Variants in HIVEP2 observed in about 807,000 individuals in gnomAD.
HIVEP2 encodes HIVEP zinc finger 2, also known as transcription factor HIVEP2.
HIVEP2 carries 14 observed loss-of-function variants against 180.7 expected under a neutral mutation model. That is an observed-to-expected ratio of 0.08 (90% CI 0.05 to 0.12). The LOEUF (loss-of-function observed/expected upper bound fraction) is 0.12, where lower values mean the gene tolerates loss of function less well. Ranked by LOEUF, HIVEP2 falls within the 10% of genes least tolerant of loss-of-function variation. HIVEP2 has a pLI of 1.00. For missense variants in HIVEP2, 2,579 were observed against 3,008.5 expected, an observed-to-expected ratio of 0.86 and a Z score of 3.34; for synonymous variants, 1,184 against 1,136.4, an observed-to-expected ratio of 1.04 and a Z score of -0.84.
In HIVEP2 at chr6:142,770,893, A is replaced by G. The variant is rs1186480897; in HGVS notation, c.3846T>C (p.Tyr1282=). 15 of 1,614,240 alleles carry G rather than the reference A, an allele frequency of 9.3e-6. No individual in the cohort carries two copies. The highest frequency in any genetic ancestry group is 1.2e-5 in the Non-Finnish European group (14 of 1,180,038). ...TTGGGTGTAGCCCTGATGCTCCTGA[A>G]TAACATGGGTAGGTCTGCTCTTTCG... ...AHTKEQTYPC[Y]SGASGLHPKN... is the part of the protein sequence containing the mutation. Residue 1282 remains tyrosine (Y), a synonymous_variant, in exon 5 of 10, where the codon TAT becomes TAC. Transcript: ENST00000367603. The surrounding 1 kb of genome is among the most constrained non-coding windows in gnomAD (Gnocchi z 4.7).
At chr6:142,894,255 G>A (rs1215273890) in intron 1 of HIVEP2, among the ~76,000 whole-genome samples, 1 of 152,050 alleles carries the variant, frequency 6.6e-6, no homozygotes, top group East Asian at 1.9e-4. Context: ...ATCAAGGGAC[G>A]ATATATTATT....
chr6:142,878,906 T>C (rs901013472), intron 1 of HIVEP2, among the ~76,000 whole-genome samples: 1 of 152,182 alleles, frequency 6.6e-6, no homozygotes, highest in Admixed American at 6.5e-5. Context: ...GACCTTGGAC[T>C]TGAACTCAGA....
At chr6:142,864,496 A>G (rs1310877001) in intron 1 of HIVEP2, among the ~76,000 whole-genome samples, 1 of 152,220 alleles carries the variant, frequency 6.6e-6, no homozygotes, top group Admixed American at 6.5e-5. Flanking sequence ...GACTTAGCGA[A>G]AAATAATAAA....
At chr6:142,797,724 G>A (rs1358023003) in intron 2 of HIVEP2, among the ~76,000 whole-genome samples, 1 of 152,096 alleles carries the variant, frequency 6.6e-6, no homozygotes, top group Admixed American at 6.6e-5. Flanking sequence ...TGTTATAATT[G>A]TCCTTTTTAA....
intron 3 of HIVEP2, among the ~76,000 whole-genome samples, chr6:142,780,133 A>G (rs1285725799): frequency 6.6e-6 from 1 of 152,196 alleles, no homozygotes; most frequent in Non-Finnish European, 1.5e-5. Flanking sequence ...CATTAACTCA[A>G]TTATGCAAAT....
chr6:142,791,836 C>A (rs1776144977), intron 2 of HIVEP2, among the ~76,000 whole-genome samples: 2 of 152,180 alleles, frequency 1.3e-5, no homozygotes, highest in South Asian at 4.1e-4. Flanking sequence ...ATTCTGCTTT[C>A]AAAGAGCTTA....
intron 1 of HIVEP2, among the ~76,000 whole-genome samples, chr6:142,924,299 T>C (rs1777749992): frequency 6.6e-6 from 1 of 152,198 alleles, no homozygotes; most frequent in African/African-American, 2.4e-5. Context: ...ATATGAGAGA[T>C]AGCAGTATCA....
chr6:142,837,400 A>G (rs964393434), intron 1 of HIVEP2, among the ~76,000 whole-genome samples: 5 of 152,114 alleles, frequency 3.3e-5, no homozygotes, highest in African/African-American at 1.2e-4. Flanking sequence ...AATTATACTC[A>G]TTGATTCTTC....
At chr6:142,858,689 T>A (rs978286753) in intron 1 of HIVEP2, among the ~76,000 whole-genome samples, 1 of 152,104 alleles carries the variant, frequency 6.6e-6, no homozygotes, top group African/African-American at 2.4e-5. Context: ...CTTCCCAGGT[T>A]CAAGCAATTC....
chr6:142,813,915 C>G (rs1776765852), intron 2 of HIVEP2, among the ~76,000 whole-genome samples: 1 of 151,890 alleles, frequency 6.6e-6, no homozygotes, highest in African/African-American at 2.4e-5. Flanking sequence ...TTTCCTCTAT[C>G]ATTTTATTGA....
chr6:142,773,879 A>G lies in HIVEP2; in HGVS notation c.860T>C (p.Leu287Ser). Residue 287 changes from leucine (L) to serine (S), a missense_variant, in exon 5 of 10, where the codon TTA becomes TCA. Coordinates refer to ENST00000367603, the MANE Select transcript of HIVEP2 (RefSeq NM_006734.4). ...QSTDTDEESS[L>S]FAEASDKMSP... ...CATTTTGTCAGAAGCCTCGGCAAAT[A>G]AAGAACTCTCCTCATCTGTGTCTGT... 6.2e-7 allele frequency: 1 copy of G among 1,613,776 alleles called. No homozygotes were observed. The highest frequency in any genetic ancestry group is 8.5e-7 in the Non-Finnish European group (1 of 1,180,036).
At chr6:142,829,954 A>G (rs879387556) in intron 2 of HIVEP2, among the ~76,000 whole-genome samples, 5 of 152,232 alleles carry the variant, frequency 3.3e-5, no homozygotes, top group Non-Finnish European at 7.3e-5. Context: ...TGCTTTAATC[A>G]TTAGGTACAC....
chr6:142,944,656 C>G (rs1156853479), intron 1 of HIVEP2: 1 of 152,878 alleles, frequency 6.5e-6, no homozygotes, highest in Non-Finnish European at 1.5e-5. Context: ...GGAACATTCC[C>G]GGAACGGGCC....
chr6:142,808,088 C>T (rs769158794), intron 2 of HIVEP2, among the ~76,000 whole-genome samples: 5 of 152,204 alleles, frequency 3.3e-5, no homozygotes, highest in Non-Finnish European at 7.3e-5. Context: ...TCTTCCACTA[C>T]ATCTACTCCA....
At chr6:142,882,633 G>C (rs963025537) in intron 1 of HIVEP2, among the ~76,000 whole-genome samples, 1 of 144,860 alleles carries the variant, frequency 6.9e-6, no homozygotes, top group Non-Finnish European at 1.5e-5. Flanking sequence ...GAAAGGGGGG[G>C]AGGGGAGGGG....
In HIVEP2 at chr6:142,753,200, A is replaced by G. The variant is rs1405768568; in HGVS notation, c.7248T>C (p.Asp2416=). The G allele has an allele frequency of 6.2e-7, 1 of 1,613,910 alleles. No homozygotes were observed. The highest frequency in any genetic ancestry group is 1.1e-5 in the South Asian group (1 of 91,078). Residue 2416 remains aspartate (D), a synonymous_variant, in exon 10 of 10, where the codon GAT becomes GAC. Coordinates refer to ENST00000367603, the MANE Select transcript of HIVEP2 (RefSeq NM_006734.4). ...TGCTGTGAAAGTCCAACTGCTTGTCATCCACACAACTCTTGCTGTAAAACG... is the reference window on the plus strand; with the variant it reads ...TGCTGTGAAAGTCCAACTGCTTGTCGTCCACACAACTCTTGCTGTAAAACG... The part of the protein sequence containing the change: ...HSTFYSKSCV[D]DKQLDFHSSK...
At chr6:142,877,390 G>A (rs1210879055) in intron 1 of HIVEP2, among the ~76,000 whole-genome samples, 1 of 152,128 alleles carries the variant, frequency 6.6e-6, no homozygotes, top group Non-Finnish European at 1.5e-5. Context: ...ATATAAATCA[G>A]TATTTCCAAT....
chr6:142,928,845 T>C (rs1181075529), intron 1 of HIVEP2, among the ~76,000 whole-genome samples: 5 of 152,210 alleles, frequency 3.3e-5, no homozygotes, highest in Non-Finnish European at 4.4e-5. Context: ...CTGCAACCAC[T>C]TCTTTACTTC....
chr6:142,818,812 A>G (rs1421690202), intron 2 of HIVEP2, among the ~76,000 whole-genome samples: 3 of 150,536 alleles, frequency 2.0e-5, no homozygotes, highest in Admixed American at 6.6e-5. Flanking sequence ...AAAAGAAAAG[A>G]AAAAAAAAGC....
Sources: gnomAD v4.1 joint callset for allele counts (sites outside exome capture counted in the v4.1 genomes callset) on GRCh38, gnomAD v4.1.1 for gene constraint, Gnocchi (gnomAD v3.1) non-coding constraint, MANE v1.5 for transcripts, NCBI Gene and HGNC (gene_info 2026-07-23, HGNC 2026-07-21) for gene names.